Variants in PSME4 observed in about 807,000 individuals in gnomAD.
PSME4 encodes the protein proteasome activator complex subunit 4.
PSME4 carries 89 observed loss-of-function variants against 253.9 expected under a neutral mutation model. The observed-to-expected ratio is 0.35, with a 90% confidence interval of 0.30 to 0.42. The LOEUF (loss-of-function observed/expected upper bound fraction) is 0.42, where lower values mean the gene tolerates loss of function less well. Among genes scored for constraint, PSME4 ranks in the 10% least tolerant of loss-of-function variants. PSME4 has a pLI of 1.00. For missense variants in PSME4, 2,014 were observed against 2,195.2 expected (o/e 0.92, Z 1.65); for synonymous variants, 851 against 759.2 (o/e 1.12, Z -1.99).
At chr2:53,968,553 GA>G (rs1309153855) in intron 1 of PSME4, among the ~76,000 whole-genome samples, 4 of 151,976 alleles carry the variant, frequency 2.6e-5, no homozygotes. Flanking sequence ...CATGACTTAG[GA>G]AAAAAACACA....
chr2:53,966,899 C>A (rs1177692054), intron 1 of PSME4, among the ~76,000 whole-genome samples: 3 of 152,110 alleles, frequency 2.0e-5, no homozygotes, highest in Non-Finnish European at 4.4e-5. Flanking sequence ...GGGGTTTCAC[C>A]ATGTTGGTCA....
At chr2:53,929,798 G>T (rs1443897702) in intron 10 of PSME4, among the ~76,000 whole-genome samples, 1 of 152,026 alleles carries the variant, frequency 6.6e-6, no homozygotes, top group Admixed American at 6.6e-5. Context: ...CAGGCGGACT[G>T]CTTGAGGTCA....
intron 1 of PSME4, among the ~76,000 whole-genome samples, chr2:53,955,114 T>C (rs1670172798): frequency 6.6e-6 from 1 of 152,128 alleles, no homozygotes; most frequent in African/African-American, 2.4e-5. Context: ...GAGGTTGCAG[T>C]GAGCCATGAT....
chr2:53,888,709 A>T lies in PSME4; in HGVS notation c.4388+12T>A, dbSNP rs772099491. The T allele has an allele frequency of 9.5e-6, 15 of 1,586,170 alleles. No individual in the cohort carries two copies. The highest frequency in any genetic ancestry group is 7.8e-5 in the South Asian group (7 of 89,932). On this transcript the variant is annotated intron_variant, in intron 38 of 46. Transcript: ENST00000404125. ...TTCGTGTTAACCTCATAGGTTTTTT[A>T]AAAAAATTTACCATGCATCTACAAA...
At chr2:53,946,890 G>A (rs772576272) in intron 3 of PSME4, among the ~76,000 whole-genome samples, 3 of 151,862 alleles carry the variant, frequency 2.0e-5, no homozygotes, top group African/African-American at 7.3e-5. Context: ...CTCCAGCCTA[G>A]GCAACAGAGC....
At chr2:53,913,651 A>G (rs948761310) in intron 20 of PSME4, among the ~76,000 whole-genome samples, 6 of 152,178 alleles carry the variant, frequency 3.9e-5, no homozygotes, top group African/African-American at 1.2e-4. Context: ...CTATTATCCA[A>G]TTCAATCCTA....
intron 12 of PSME4, 21 bp from the exon 13 acceptor site, chr2:53,926,044 G>A: frequency 2.5e-6 from 4 of 1,587,190 alleles, no homozygotes; most frequent in Non-Finnish European, 3.5e-6. Flanking sequence ...CCAATATGGA[G>A]AAAGATTACA....
chr2:53,865,540 T>A lies in PSME4; in HGVS notation c.*38A>T, dbSNP rs901029273. The A allele has an allele frequency of 2.0e-5, 3 of 152,258 alleles. No homozygotes were observed. The highest frequency in any genetic ancestry group is 7.2e-5 in the African/African-American group (3 of 41,446). The allele number at this position is 152,258 out of a possible 1,614,324, so 9.4% of individuals were successfully genotyped here. On this transcript the variant is annotated 3_prime_UTR_variant, in exon 47 of 47. Transcript: ENST00000404125. ...GATGGTACCTGAGGGTGTGGAATTT[T>A]TGATGAAAAGAGCCTGAAGTGAGGA... is the stretch of plus-strand genomic sequence containing the variant.
At chr2:53,913,567 C>G (rs755969127) in intron 20 of PSME4, among the ~76,000 whole-genome samples, 1 of 152,148 alleles carries the variant, frequency 6.6e-6, no homozygotes, top group Non-Finnish European at 1.5e-5. Context: ...AGATGTAAAA[C>G]CAAGCCACTA....
At chr2:53,866,631 C>T in intron 45 of PSME4, 116 bp downstream of exon 45, 1 of 1,147,762 alleles carries the variant, frequency 8.7e-7, no homozygotes, top group Non-Finnish European at 1.2e-6. Flanking sequence ...TAAGCCTTGG[C>T]AGAGGCAGCA....
chr2:53,967,101 C>G (rs540764654), intron 1 of PSME4, among the ~76,000 whole-genome samples: 2 of 152,268 alleles, frequency 1.3e-5, no homozygotes, highest in East Asian at 3.9e-4. Context: ...TGTCCAAAGA[C>G]CATTAATTTG....
rs894416921 is a variant in PSME4 at position 53,949,362 on chromosome 2, A to C, written c.243-79T>G. ...TGTTCAATGCAGCATTATCCATAGAAGCCAAGATGTAGATGCAACCTGAAT... is the reference window on the plus strand; with the variant it reads ...TGTTCAATGCAGCATTATCCATAGACGCCAAGATGTAGATGCAACCTGAAT... On this transcript the variant is annotated intron_variant, in intron 1 of 46. Transcript: ENST00000404125. 3 of 939,566 alleles carry C rather than the reference A, an allele frequency of 3.2e-6. No homozygotes were observed. In the African/African-American group the frequency reaches 5.1e-5, roughly 16 times the overall value. 58.2% of individuals were successfully genotyped at this position (939,566 alleles called of 1,614,324 possible).
chr2:53,871,860 A>G (rs1445354941), intron 43 of PSME4, among the ~76,000 whole-genome samples: 1 of 151,928 alleles, frequency 6.6e-6, no homozygotes, highest in Non-Finnish European at 1.5e-5. Context: ...CTAAAAATAT[A>G]AAAATTAGCT....
chr2:53,951,856 T>C (rs1670012387), intron 1 of PSME4, among the ~76,000 whole-genome samples: 1 of 152,152 alleles, frequency 6.6e-6, no homozygotes, highest in African/African-American at 2.4e-5. Context: ...ATTATGAAAG[T>C]TTCTTAAACA....
chr2:53,970,566 G>T lies in PSME4; in HGVS notation c.219C>A (p.Leu73=). 1 of 1,548,232 alleles carries T rather than the reference G, an allele frequency of 6.5e-7. No individual in the cohort carries two copies. ...ACGTGGAGAGTTTCCTGGTCCAGAA[G>T]AGGCCCCCGGGCCACAGCTCTTGGA... ...VQLQELWPGG[L]FWTRKLSTYI... is the part of the protein sequence containing the mutation. The change falls in exon 1 of 47, where the codon CTC becomes CTA. Residue 73 remains leucine, a synonymous_variant. Transcript: ENST00000404125.
At chr2:53,906,901 AT>A (rs1301651267) in intron 24 of PSME4, 33 bp from the exon 25 acceptor site, 18 of 1,597,802 alleles carry the variant, frequency 1.1e-5, no homozygotes, top group Non-Finnish European at 1.5e-5. Context: ...ATACTTCAAC[AT>A]TTTCCCTAAA....
rs777357066 is a variant in PSME4, at chr2:53,949,286, G to A, written c.243-3C>T. 15 of 1,561,488 alleles carry A rather than the reference G, an allele frequency of 9.6e-6. No individual in the cohort carries two copies. The African/African-American group carries it at 1.9e-4, about 20-fold the overall frequency. On this transcript the variant is annotated splice_region_variant and splice_polypyrimidine_tract_variant and intron_variant, in intron 1 of 46. Coordinates refer to ENST00000404125, the MANE Select transcript of PSME4 (RefSeq NM_014614.3). ...TTCTCCCATAAAGTCGAATATATCT[G>A]CAAGAGAAAAATAGATATACCCTTT...
At chr2:53,950,424 T>G (rs1404683280) in intron 1 of PSME4, among the ~76,000 whole-genome samples, 1 of 152,232 alleles carries the variant, frequency 6.6e-6, no homozygotes, top group African/African-American at 2.4e-5. Flanking sequence ...AACAGTTAAC[T>G]TATAATTACA....
At chr2:53,901,001 G>T (rs946225856) in intron 28 of PSME4, among the ~76,000 whole-genome samples, 1 of 152,096 alleles carries the variant, frequency 6.6e-6, no homozygotes, top group South Asian at 2.1e-4. Flanking sequence ...CCCAGTAGTC[G>T]ATCTTTTGCG....
Sources: gnomAD v4.1 joint callset for allele counts (sites outside exome capture counted in the v4.1 genomes callset) on GRCh38, gnomAD v4.1.1 for gene constraint, MANE v1.5 for transcripts, NCBI Gene and HGNC (gene_info 2026-07-23, HGNC 2026-07-21) for gene names.